The following SPON1 variants were observed in gnomAD, a reference collection of about 807,000 sequenced individuals.
The protein encoded by SPON1 is spondin 1, also known as spondin-1.
Under a neutral mutation model 111.7 loss-of-function variants are expected in SPON1, and 52 were observed. That is an observed-to-expected ratio of 0.47 (90% CI 0.37 to 0.59). The LOEUF is 0.59. Ranked by LOEUF, SPON1 falls within the 20% of genes least tolerant of loss-of-function variation. The pLI, the probability that SPON1 is intolerant of heterozygous loss-of-function variation, is 0.00. For missense variants in SPON1, 957 were observed against 1,068.5 expected, an observed-to-expected ratio of 0.90 and a Z score of 1.46; for synonymous variants, 410 against 395.8, an observed-to-expected ratio of 1.04 and a Z score of -0.43.
At chr11:14,166,076 A>G (rs1554931849) in intron 6 of SPON1, among the ~76,000 whole-genome samples, 2 of 150,588 alleles carry the variant, frequency 1.3e-5, no homozygotes, top group Non-Finnish European at 3.0e-5. Flanking sequence ...AACCTGGTAC[A>G]GGGACTCTGT....
chr11:14,000,572 C>T (rs1466552563), intron 2 of SPON1, among the ~76,000 whole-genome samples: 3 of 152,030 alleles, frequency 2.0e-5, no homozygotes, highest in Non-Finnish European at 4.4e-5. Flanking sequence ...TTGAAATCAG[C>T]CTAAGAAACA....
chr11:14,131,076 A>T (rs1847522590), intron 5 of SPON1, among the ~76,000 whole-genome samples: 1 of 152,132 alleles, frequency 6.6e-6, no homozygotes, highest in Non-Finnish European at 1.5e-5. Flanking sequence ...CCCCTTTTCC[A>T]ATGCCATTTA....
chr11:14,023,654 T>G (rs1424303615), intron 2 of SPON1, among the ~76,000 whole-genome samples: 1 of 152,066 alleles, frequency 6.6e-6, no homozygotes, highest in Admixed American at 6.6e-5. Flanking sequence ...TGGGAACACT[T>G]GCGAAAGGAA....
intron 6 of SPON1, among the ~76,000 whole-genome samples, chr11:14,157,364 G>A (rs910012790): frequency 7.9e-5 from 12 of 152,128 alleles, no homozygotes; most frequent in African/African-American, 2.9e-4. Context: ...TCACTTGTCT[G>A]TCTGTGGCTT....
At chr11:14,262,298 G>C in intron 14 of SPON1, 1 of 222,544 alleles carries the variant, frequency 4.5e-6, no homozygotes, top group Non-Finnish European at 9.1e-6. Context: ...TTGTTGACTT[G>C]TTCTCTCCAA....
intron 2 of SPON1, among the ~76,000 whole-genome samples, chr11:14,011,896 T>G (rs189625014): frequency 6.6e-6 from 1 of 152,316 alleles, no homozygotes; most frequent in East Asian, 1.9e-4. Flanking sequence ...GCTCTCCTGC[T>G]TATTAACCAG....
At chr11:14,167,445 C>T (rs1848043066) in intron 6 of SPON1, among the ~76,000 whole-genome samples, 1 of 151,956 alleles carries the variant, frequency 6.6e-6, no homozygotes, top group Admixed American at 6.6e-5. Context: ...TAGCATGAGG[C>T]CAGCTGAATT....
intron 5 of SPON1, among the ~76,000 whole-genome samples, chr11:14,096,522 G>A (rs1849102466): frequency 6.6e-6 from 1 of 152,178 alleles, no homozygotes. Flanking sequence ...GGAAGCCAAG[G>A]ACAGAGGAAA....
At chr11:14,169,092 G>A (rs1388696960) in intron 6 of SPON1, among the ~76,000 whole-genome samples, 8 of 152,128 alleles carry the variant, frequency 5.3e-5, no homozygotes, top group Non-Finnish European at 8.8e-5. Flanking sequence ...CTTCCACAAC[G>A]GTTGAACTAG....
intron 3 of SPON1, among the ~76,000 whole-genome samples, chr11:14,057,097 T>C (rs1198826439): frequency 6.6e-6 from 1 of 152,122 alleles, no homozygotes; most frequent in Non-Finnish European, 1.5e-5. Context: ...ATTGGAAAGT[T>C]TGATAAGGAA....
At chr11:14,133,443 T>C (rs1281864463) in intron 5 of SPON1, among the ~76,000 whole-genome samples, 3 of 152,178 alleles carry the variant, frequency 2.0e-5, no homozygotes, top group Non-Finnish European at 4.4e-5. Context: ...TGGCTTGTGG[T>C]GGTCTTGAGT....
At chr11:14,041,467 A>T (rs2133813599) in intron 2 of SPON1, 54 bp from the exon 3 acceptor site, 1 of 1,601,730 alleles carries the variant, frequency 6.2e-7, no homozygotes, top group South Asian at 1.1e-5. Context: ...TAGAAGCTTA[A>T]GCGCCCTCTC....
intron 6 of SPON1, among the ~76,000 whole-genome samples, chr11:14,142,519 T>C (rs1344370554): frequency 6.6e-6 from 1 of 152,212 alleles, no homozygotes; most frequent in African/African-American, 2.4e-5. Flanking sequence ...CCTTCAAATA[T>C]AGAAAGAGCT....
Position 14,148,474 on chromosome 11 carries a change from T to TAA in SPON1, c.825+12914_825+12915dup, listed in dbSNP as rs36081017. ...AAAAGTAATTATTTTATAGTTGAAA[T>TAA]AAAAAAAAATAAGCCAACCAACCAA... On this transcript the variant is annotated intron_variant, in intron 6 of 15. Transcript: ENST00000576479. 1.8e-3 allele frequency among the ~76,000 whole-genome samples: 267 copies of TAA among 151,008 alleles called. 1 individual carries two copies. The highest frequency in any genetic ancestry group is 3.4e-3 in the Middle Eastern group (1 of 292).
intron 6 of SPON1, among the ~76,000 whole-genome samples, chr11:14,221,580 C>G (rs1848681276): frequency 9.3e-6 from 1 of 107,418 alleles, no homozygotes; most frequent in African/African-American, 4.5e-5. Context: ...AGCCAGATTT[C>G]CACTCTAAGT....
At chr11:14,160,947 ATATATTTATATATATTTATATATATTTT>A (rs1847937000) in intron 6 of SPON1, among the ~76,000 whole-genome samples, 1 of 66,408 alleles carries the variant, frequency 1.5e-5, no homozygotes, top group Non-Finnish European at 2.5e-5. Context: ...ATATATATTT[ATATATTTATATATATTTATATATATTTT>A]TATATATTTA....
At chr11:13,963,520 G>A (rs1847991774) in intron 1 of SPON1, among the ~76,000 whole-genome samples, 3 of 152,312 alleles carry the variant, frequency 2.0e-5, no homozygotes, top group African/African-American at 7.2e-5. Flanking sequence ...AGGGGACCCA[G>A]GCTTCTCTTG....
chr11:14,196,448 T>G (rs570911303), intron 6 of SPON1, among the ~76,000 whole-genome samples: 111 of 152,312 alleles, frequency 7.3e-4, no homozygotes, highest in African/African-American at 2.5e-3. Context: ...TGAGTTACTT[T>G]AAAGAGGTAA....
At chr11:14,025,663 G>T (rs4576804) in intron 2 of SPON1, among the ~76,000 whole-genome samples, 1 of 152,130 alleles carries the variant, frequency 6.6e-6, no homozygotes, top group Admixed American at 6.5e-5. Flanking sequence ...TCATGCGGGT[G>T]GTGGTTTGGC....
Sources: allele counts gnomAD v4.1 joint callset (sites outside exome capture counted in the v4.1 genomes callset), GRCh38; gene constraint gnomAD v4.1.1; transcripts MANE v1.5; gene names NCBI Gene and HGNC (gene_info 2026-07-23, HGNC 2026-07-21).